The following RABGAP1L variants were observed in gnomAD, a reference collection of about 807,000 sequenced individuals.
RABGAP1L encodes RAB GTPase activating protein 1 like.
A neutral mutation model predicts 137.7 loss-of-function variants in RABGAP1L; 63 were observed. That is an observed-to-expected ratio of 0.46 (90% CI 0.37 to 0.56). The LOEUF (loss-of-function observed/expected upper bound fraction) is 0.56. Among genes scored for constraint, RABGAP1L ranks in the 20% least tolerant of loss-of-function variants. The probability of loss-of-function intolerance (pLI) is 0.00; values close to 1 mark genes in which losing one functional copy is unlikely to be tolerated. For synonymous variants in RABGAP1L, 431 were observed against 433.7 expected (o/e 0.99, Z 0.08); for missense variants, 1,095 against 1,244.0 (o/e 0.88, Z 1.80).
chr1:174,880,265 G>T (rs1418059747), intron 19 of RABGAP1L, among the ~76,000 whole-genome samples: 2 of 151,892 alleles, frequency 1.3e-5, no homozygotes, highest in Admixed American at 6.6e-5. Flanking sequence ...GATAATCCAC[G>T]GTTGTAGATA....
In RABGAP1L at chr1:174,988,763, G is replaced by A; in HGVS notation, c.2928G>A (p.Lys976=). Residue 976 remains lysine, a synonymous_variant, in exon 25 of 26, where the codon AAG becomes AAA. Coordinates refer to ENST00000681986, the MANE Select transcript of RABGAP1L (RefSeq NM_001366446.1). The part of the protein sequence containing the change: ...IETDDEKDSL[K]KQLREMELEL... Reference sequence around the variant, plus strand: ...CAGATGATGAGAAGGACTCACTTAAGAAGCAGCTGAGAGAGATGGAACTGG... The same window carrying A: ...CAGATGATGAGAAGGACTCACTTAAAAAGCAGCTGAGAGAGATGGAACTGG... 6.5e-7 allele frequency: 1 copy of A among 1,550,326 alleles called. No individual in the cohort carries two copies.
chr1:174,828,454 T>C (rs1175125106), intron 19 of RABGAP1L, among the ~76,000 whole-genome samples: 2 of 147,922 alleles, frequency 1.4e-5, no homozygotes, highest in Non-Finnish European at 3.0e-5. Flanking sequence ...ACATCCTGTT[T>C]CTGCTGCCTA....
intron 11 of RABGAP1L, among the ~76,000 whole-genome samples, chr1:174,327,074 A>G (rs999217273): frequency 6.6e-6 from 1 of 152,176 alleles, no homozygotes; most frequent in Non-Finnish European, 1.5e-5. Context: ...AGAGTTTGTC[A>G]TACTGAGAGA....
At chr1:174,203,259 G>A (rs57664780) in intron 1 of RABGAP1L, among the ~76,000 whole-genome samples, 2,190 of 152,194 alleles carry the variant, frequency 0.014, 62 homozygotes, top group African/African-American at 0.05. Context: ...TTATTGAATA[G>A]GGAGTCTTTT....
At chr1:174,182,747 TC>T (rs536602505) in intron 1 of RABGAP1L, among the ~76,000 whole-genome samples, 4 of 152,112 alleles carry the variant, frequency 2.6e-5, no homozygotes, top group African/African-American at 9.6e-5. Flanking sequence ...GACTTTTACT[TC>T]CCCCCGTAAA....
rs767063610 is a variant in RABGAP1L, at chr1:174,702,257, G to A, written c.2169+1G>A. 1.3e-6 allele frequency: 2 copies of A among 1,594,518 alleles called. No individual in the cohort carries two copies. The highest frequency in any genetic ancestry group is 1.7e-6 in the Non-Finnish European group (2 of 1,171,820). Reference sequence around the variant, plus strand: ...CATCATTGACTTACTGCTTTGTGAGGTAGAGTGACTCCCATCTTTCACTAA... The same window carrying A: ...CATCATTGACTTACTGCTTTGTGAGATAGAGTGACTCCCATCTTTCACTAA... On this transcript the variant is annotated splice_donor_variant, in intron 17 of 25. Coordinates refer to ENST00000681986, the MANE Select transcript of RABGAP1L (RefSeq NM_001366446.1). LOFTEE classifies it high-confidence loss of function.
intron 8 of RABGAP1L, among the ~76,000 whole-genome samples, chr1:174,273,377 C>T (rs1055349092): frequency 6.6e-6 from 1 of 151,918 alleles, no homozygotes; most frequent in African/African-American, 2.4e-5. Flanking sequence ...TAAAATATAG[C>T]TCTTACCATC....
In RABGAP1L at chr1:174,676,964, A is replaced by G. The variant is rs915774674; in HGVS notation, c.1825-6558A>G. Among the ~76,000 whole-genome samples the G allele has an allele frequency of 3.3e-5, 5 of 152,272 alleles. No individual in the cohort carries two copies. In the South Asian group the frequency reaches 6.2e-4, roughly 19 times the overall value. On this transcript the variant is annotated intron_variant, in intron 14 of 25. Transcript: ENST00000681986. ...TGTAGATGGTTTATGTTAAAGTTGG[A>G]CAAATGGATAGAACATCAAGATTTT... is the stretch of plus-strand genomic sequence containing the variant.
At chr1:174,758,618 T>C (rs1438223723) in intron 18 of RABGAP1L, among the ~76,000 whole-genome samples, 2 of 152,198 alleles carry the variant, frequency 1.3e-5, no homozygotes, top group Non-Finnish European at 2.9e-5. Context: ...AAAGACATTA[T>C]TTCATTCTTT....
At chr1:174,355,626 T>G (rs1284090110) in intron 11 of RABGAP1L, among the ~76,000 whole-genome samples, 1 of 151,580 alleles carries the variant, frequency 6.6e-6, no homozygotes, top group Non-Finnish European at 1.5e-5. Flanking sequence ...ATAATAAAAT[T>G]TAAAAAAAAA....
intron 17 of RABGAP1L, among the ~76,000 whole-genome samples, chr1:174,704,629 A>G (rs993560112): frequency 6.6e-6 from 1 of 152,244 alleles, no homozygotes; most frequent in Non-Finnish European, 1.5e-5. Flanking sequence ...CTGATTTATA[A>G]TATGTTAATT....
chr1:174,223,308 T>C (rs903133723), intron 3 of RABGAP1L, among the ~76,000 whole-genome samples: 2 of 101,826 alleles, frequency 2.0e-5, no homozygotes, highest in African/African-American at 6.9e-5. Context: ...CTGGGCAGGG[T>C]GGTGAACACT....
chr1:174,887,056 T>C (rs1655281531), intron 19 of RABGAP1L, among the ~76,000 whole-genome samples: 1 of 152,070 alleles, frequency 6.6e-6, no homozygotes, highest in South Asian at 2.1e-4. Flanking sequence ...CTGCCCACCT[T>C]GGCCTCCCAA....
At chr1:174,892,188 A>G (rs1381300380) in intron 19 of RABGAP1L, among the ~76,000 whole-genome samples, 2 of 152,184 alleles carry the variant, frequency 1.3e-5, no homozygotes, top group Non-Finnish European at 2.9e-5. Context: ...GTTGGGCCGG[A>G]TGACCAGAGG....
At chr1:174,566,588 C>T (rs1281061481) in intron 13 of RABGAP1L, among the ~76,000 whole-genome samples, 1 of 152,110 alleles carries the variant, frequency 6.6e-6, no homozygotes, top group African/African-American at 2.4e-5. Flanking sequence ...GCCTTATATT[C>T]TTCATTTATA....
chr1:174,618,193 C>T (rs1200604645), intron 13 of RABGAP1L, among the ~76,000 whole-genome samples: 5 of 152,328 alleles, frequency 3.3e-5, no homozygotes, highest in Middle Eastern at 6.8e-3. Flanking sequence ...GCCTGCTTAC[C>T]TCTGTAGACT....
intron 13 of RABGAP1L, among the ~76,000 whole-genome samples, chr1:174,609,012 C>G (rs1456351360): frequency 6.6e-6 from 1 of 151,988 alleles, no homozygotes; most frequent in Non-Finnish European, 1.5e-5. Context: ...ACCGAATTAC[C>G]TCAACACTAA....
At chr1:174,503,315 C>T (rs1661496984) in intron 13 of RABGAP1L, among the ~76,000 whole-genome samples, 1 of 152,114 alleles carries the variant, frequency 6.6e-6, no homozygotes. Flanking sequence ...TCTGGCTACA[C>T]AATAATTAAA....
Position 174,991,750 on chromosome 1 carries a change from C to G in RABGAP1L, c.*1749C>G, listed in dbSNP as rs911213188. On this transcript the variant is annotated 3_prime_UTR_variant, in exon 26 of 26. Transcript: ENST00000681986. ...GTGTCTGTGTTGGCTTTAACATTCT[C>G]TACATGGTGGTCTAGATAAGCTAAT... is the stretch of plus-strand genomic sequence containing the variant. 2.0e-5 allele frequency: 3 copies of G among 149,764 alleles called. No homozygotes were observed. The highest frequency in any genetic ancestry group is 4.4e-5 in the Non-Finnish European group (3 of 67,758). 9.3% of individuals were successfully genotyped at this position (149,764 alleles called of 1,614,324 possible).
Sources: allele counts gnomAD v4.1 joint callset (sites outside exome capture counted in the v4.1 genomes callset), GRCh38; gene constraint gnomAD v4.1.1; transcripts MANE v1.5; gene names NCBI Gene and HGNC (gene_info 2026-07-23, HGNC 2026-07-21).